Variants in FNDC3A observed in about 807,000 individuals in gnomAD.
FNDC3A encodes the protein fibronectin type III domain containing 3A, also known as fibronectin type-III domain-containing protein 3A.
FNDC3A carries 32 observed loss-of-function variants against 148.9 expected under a neutral mutation model. The observed-to-expected ratio is 0.21, with a 90% CI of 0.16 to 0.29. FNDC3A has a LOEUF of 0.29. FNDC3A is among the 10% of genes least tolerant of loss of function. FNDC3A has a pLI of 1.00. For synonymous variants in FNDC3A, 472 were observed against 473.6 expected (o/e 1.00, Z 0.04); for missense variants, 1,191 against 1,452.8 (o/e 0.82, Z 2.93).
At chr13:49,149,384 T>C (rs1036860932) in intron 8 of FNDC3A, among the ~76,000 whole-genome samples, 1 of 152,136 alleles carries the variant, frequency 6.6e-6, no homozygotes, top group Non-Finnish European at 1.5e-5. Flanking sequence ...CTTTAGTGCC[T>C]AGTTTGTTGA....
At position 49,092,022 on chromosome 13, in the gene FNDC3A, G is replaced by A. The variant is rs148212053; in HGVS notation, c.175+16658G>A. Among the ~76,000 whole-genome samples the A allele has an allele frequency of 2.1e-3, 323 of 152,302 alleles. 1 individual carries two copies. The highest frequency in any genetic ancestry group is 7.2e-3 in the African/African-American group (298 of 41,556). On this transcript the variant is annotated intron_variant, in intron 3 of 25. Transcript: ENST00000492622. ...TCTCCAAAGGAGAGTTGTTATCTGC[G>A]GAAGATGGCAGGGCCTTGCCCCAAA...
intron 16 of FNDC3A, 72 bp from the exon 17 acceptor site, chr13:49,188,443 C>CT: frequency 2.4e-6 from 2 of 831,610 alleles, no homozygotes; most frequent in African/African-American, 1.7e-5. Flanking sequence ...GCTAGGATAC[C>CT]TGATGTGTCC....
chr13:48,997,557 G>T (rs1000792639), intron 1 of FNDC3A, among the ~76,000 whole-genome samples: 3 of 152,046 alleles, frequency 2.0e-5, no homozygotes, highest in African/African-American at 4.8e-5. Context: ...CCCATGATCA[G>T]ATTAGTGTCC....
At chr13:49,059,581 A>G (rs1475459709) in intron 2 of FNDC3A, among the ~76,000 whole-genome samples, 1 of 152,212 alleles carries the variant, frequency 6.6e-6, no homozygotes, top group East Asian at 1.9e-4. Flanking sequence ...TCAGCCTCCC[A>G]AGTGGCTGGG....
intron 2 of FNDC3A, among the ~76,000 whole-genome samples, chr13:49,072,517 A>G (rs1362998372): frequency 1.3e-5 from 2 of 152,022 alleles, no homozygotes; most frequent in Non-Finnish European, 2.9e-5. Flanking sequence ...CCTGGTAGAG[A>G]TCTTTCACTT....
chr13:49,071,632 T>A (rs545467773), intron 2 of FNDC3A, among the ~76,000 whole-genome samples: 156 of 152,328 alleles, frequency 1.0e-3, no homozygotes, highest in Middle Eastern at 3.4e-3. Context: ...TGATTAGTAA[T>A]GTTGAGCATT....
chr13:49,110,217 C>G (rs563389435), intron 3 of FNDC3A: 35 of 631,102 alleles, frequency 5.5e-5, no homozygotes, highest in Non-Finnish European at 7.9e-5. Flanking sequence ...TTTTTTTCCC[C>G]CTTGCCCTTT....
At chr13:49,138,018 A>T (rs532701945) in intron 6 of FNDC3A, among the ~76,000 whole-genome samples, 5 of 152,324 alleles carry the variant, frequency 3.3e-5, no homozygotes, top group East Asian at 3.9e-4. Flanking sequence ...ATCTAAATTG[A>T]TATTTACTAT....
chr13:49,139,292 T>G (rs1882558967), intron 7 of FNDC3A, among the ~76,000 whole-genome samples: 10 of 152,054 alleles, frequency 6.6e-5, no homozygotes, highest in Admixed American at 6.5e-4. Flanking sequence ...CACTGGAGTA[T>G]AGTGAAGGGG....
At position 49,131,285 on chromosome 13, in the gene FNDC3A, G is replaced by A. The variant is rs1882017753; in HGVS notation, c.401G>A (p.Arg134His). The change falls in exon 5 of 26, where the codon CGT (arginine) becomes CAT (histidine). Residue 134 changes from arginine to histidine, a missense_variant. Around this residue, in one of 3 missense-constraint regions of FNDC3A, gnomAD observed 426 missense variants for 473.2 expected, o/e 0.90. Coordinates refer to ENST00000492622, the MANE Select transcript of FNDC3A (RefSeq NM_001079673.2). Reference protein sequence around the residue: ...PVPTMMPPPPRHMYSPVTGAG... With the variant: ...PVPTMMPPPPHHMYSPVTGAG... ...CCAACTATGATGCCGCCTCCACCAC[G>A]TCATATGTACTCACCCGTGACTGGA... 6.8e-6 allele frequency: 11 copies of A among 1,613,690 alleles called. No homozygotes were observed. The highest frequency in any genetic ancestry group is 1.3e-5 in the African/African-American group (1 of 74,806).
intron 2 of FNDC3A, among the ~76,000 whole-genome samples, chr13:49,018,243 C>G (rs549723185): frequency 2.1e-4 from 32 of 152,312 alleles, no homozygotes; most frequent in East Asian, 5.8e-4. Flanking sequence ...GTACACCAAT[C>G]AGACGTAGAT....
chr13:49,133,082 ACAT>A (rs1882129991), intron 5 of FNDC3A, among the ~76,000 whole-genome samples: 1 of 152,200 alleles, frequency 6.6e-6, no homozygotes, highest in Admixed American at 6.5e-5. Context: ...TATATTGTAC[ACAT>A]CATATGTATT....
At chr13:49,169,226 T>C (rs1884634543) in intron 10 of FNDC3A, among the ~76,000 whole-genome samples, 2 of 152,214 alleles carry the variant, frequency 1.3e-5, no homozygotes, top group Admixed American at 6.5e-5. Context: ...AGTGGACAGA[T>C]ACCATACATA....
At chr13:49,187,306 C>A (rs960749365) in intron 16 of FNDC3A, 116 bp downstream of exon 16, 2 of 926,360 alleles carry the variant, frequency 2.2e-6, no homozygotes, top group Admixed American at 2.5e-5. Context: ...TAAGGTACAC[C>A]ATAAAAAGAT....
At chr13:49,133,759 A>G (rs1317859373) in intron 5 of FNDC3A, among the ~76,000 whole-genome samples, 2 of 152,228 alleles carry the variant, frequency 1.3e-5, no homozygotes, top group African/African-American at 4.8e-5. Context: ...GAGGAAACCG[A>G]GGCTCAGAAA....
Position 49,088,697 on chromosome 13 carries a change from C to T in FNDC3A, c.175+13333C>T, listed in dbSNP as rs564656279. Among the ~76,000 whole-genome samples, 38 of 152,066 alleles carry T rather than the reference C, an allele frequency of 2.5e-4. No individual in the cohort carries two copies. The South Asian group carries it at 3.3e-3, about 13-fold the overall frequency. ...TGCATTCTCCTGTTTTTTTTCCAAC[C>T]GCACTAGTACTTCCTTCTCAGTCTT... On this transcript the variant is annotated intron_variant, in intron 3 of 25. Coordinates refer to ENST00000492622, the MANE Select transcript of FNDC3A (RefSeq NM_001079673.2).
At chr13:49,184,524 C>T (rs1885464319) in intron 14 of FNDC3A, among the ~76,000 whole-genome samples, 1 of 152,086 alleles carries the variant, frequency 6.6e-6, no homozygotes, top group Admixed American at 6.6e-5. Flanking sequence ...AGGATGTCTC[C>T]TTTTTGTAAG....
rs1886763279 is a variant in FNDC3A, at chr13:49,208,698, T to G, written c.*1303T>G. 1 of 152,644 alleles carries G rather than the reference T, an allele frequency of 6.6e-6. No homozygotes were observed. The highest frequency in any genetic ancestry group is 6.5e-5 in the Admixed American group (1 of 15,282). 9.5% of individuals were successfully genotyped at this position (152,644 alleles called of 1,614,324 possible). ...CGATGACTGCAAGTAATAATACAGT[T>G]TATAATGAAACTATCTACAATTCTT... On this transcript the variant is annotated 3_prime_UTR_variant, in exon 26 of 26. Transcript: ENST00000492622.
intron 3 of FNDC3A, among the ~76,000 whole-genome samples, chr13:49,113,208 C>CGCCTCTCTCCTTCTCTCCCCTCTT: frequency 6.6e-6 from 1 of 151,184 alleles, no homozygotes. Flanking sequence ...TCTTACCTCT[C>CGCCTCTCTCCTTCTCTCCCCTCTT]GCCTCTCTCC....
Sources: allele counts gnomAD v4.1 joint callset (sites outside exome capture counted in the v4.1 genomes callset), GRCh38; gene constraint gnomAD v4.1.1; regional missense constraint gnomAD v4.1.1; transcripts MANE v1.5; gene names NCBI Gene and HGNC (gene_info 2026-07-23, HGNC 2026-07-21).